MFSD6: variants seen among roughly 807,000 people sequenced by gnomAD.
MFSD6 encodes major facilitator superfamily domain containing 6.
A neutral mutation model predicts 56.3 loss-of-function variants in MFSD6; 26 were observed. The observed-to-expected ratio is 0.46, with a 90% CI of 0.34 to 0.64. The LOEUF (loss-of-function observed/expected upper bound fraction) is 0.64, where lower values mean the gene tolerates loss of function less well. MFSD6 is among the 30% of genes least tolerant of loss of function. MFSD6 has a pLI of 0.01. For missense variants in MFSD6, 750 were observed against 986.2 expected (o/e 0.76, Z 3.21); for synonymous variants, 331 against 366.9 (o/e 0.90, Z 1.12).
chr2:190,437,469 C>G lies in MFSD6; in HGVS notation c.1440C>G (p.Thr480=). 1 of 1,614,198 alleles carries G rather than the reference C, an allele frequency of 6.2e-7. No homozygotes were observed. Among genetic ancestry groups the G allele is most frequent in the Non-Finnish European group, 8.5e-7 (1 of 1,180,040 alleles). The change falls in exon 3 of 8, where the codon ACC becomes ACG. Residue 480 remains threonine, a synonymous_variant. Coordinates refer to ENST00000392328, the MANE Select transcript of MFSD6 (RefSeq NM_017694.4). The surrounding 1 kb of genome is among the most constrained non-coding windows in gnomAD (Gnocchi z 5.9). ...TGGAAGACCTCAATGGAACTACAAC[C>G]CTCTTTGGGGTCTGTTCAGTCCTGA... ...WHLEDLNGTT[T]LFGVCSVLSH... is the part of the protein sequence containing the mutation.
chr2:190,446,102 T>G (rs1286098976), intron 3 of MFSD6, among the ~76,000 whole-genome samples: 1 of 152,156 alleles, frequency 6.6e-6, no homozygotes, highest in African/African-American at 2.4e-5. Flanking sequence ...AATAGCACTC[T>G]CCAAAAGTGA....
chr2:190,411,461 A>T, intron 1 of MFSD6: 1 of 985,314 alleles, frequency 1.0e-6, no homozygotes, highest in Non-Finnish European at 1.2e-6. Context: ...CCCAGCCGAC[A>T]GTGGCTATCT....
At chr2:190,427,134 C>A (rs1685807210) in intron 2 of MFSD6, among the ~76,000 whole-genome samples, 1 of 152,230 alleles carries the variant, frequency 6.6e-6, no homozygotes, top group Non-Finnish European at 1.5e-5. Flanking sequence ...GACATCACCC[C>A]AGTGGGGAAA....
At position 190,425,035 on chromosome 2, in the gene MFSD6, G is replaced by A. The variant is rs553500911; in HGVS notation, c.-54+9622G>A. Among the ~76,000 whole-genome samples, 2 of 152,210 alleles carry A rather than the reference G, an allele frequency of 1.3e-5. No individual in the cohort carries two copies. Among genetic ancestry groups the A allele is most frequent in the South Asian group, 4.1e-4 (2 of 4,822 alleles). On this transcript the variant is annotated intron_variant, in intron 2 of 7. Transcript: ENST00000392328. This position sits in a 1 kb window ranked among gnomAD's most constrained non-coding sequence, Gnocchi z 4.3. ...TTTAGCTCTTTGATTTCTTTCATCAGCATTTTATGGTTTTCAGCATAAGGC... is the reference window on the plus strand; with the variant it reads ...TTTAGCTCTTTGATTTCTTTCATCAACATTTTATGGTTTTCAGCATAAGGC...
At chr2:190,474,146 A>G (rs1050174242) in intron 4 of MFSD6, among the ~76,000 whole-genome samples, 2 of 150,672 alleles carry the variant, frequency 1.3e-5, no homozygotes, top group Non-Finnish European at 3.0e-5. Context: ...TAACATCACA[A>G]TTAAAAGAAC....
Position 190,458,316 on chromosome 2 carries a change from G to C in MFSD6, c.1533-11442G>C, listed in dbSNP as rs564791090. On this transcript the variant is annotated intron_variant, in intron 3 of 7. Coordinates refer to ENST00000392328, the MANE Select transcript of MFSD6 (RefSeq NM_017694.4). The surrounding 1 kb of genome is among the most constrained non-coding windows in gnomAD (Gnocchi z 5.3). ...AGGTCATTAGGGTCAGCCCTCATCTGTTATGAGCAGTGTCCTCGTGAGAAG... is the reference window on the plus strand; with the variant it reads ...AGGTCATTAGGGTCAGCCCTCATCTCTTATGAGCAGTGTCCTCGTGAGAAG... Among the ~76,000 whole-genome samples, 26 of 152,242 alleles carry C rather than the reference G, an allele frequency of 1.7e-4. No homozygotes were observed. In the South Asian group the frequency reaches 1.9e-3, roughly 11 times the overall value.
rs968706405 is a variant in MFSD6 at position 190,447,445 on chromosome 2, C to A, written c.1532+9884C>A. Reference sequence around the variant, plus strand: ...ATGGATTATTCCTGTACTGCTAAGTCCTCTGCTAATATATGGAGGACACAT... The same window carrying A: ...ATGGATTATTCCTGTACTGCTAAGTACTCTGCTAATATATGGAGGACACAT... On this transcript the variant is annotated intron_variant, in intron 3 of 7. Coordinates refer to ENST00000392328, the MANE Select transcript of MFSD6 (RefSeq NM_017694.4). The surrounding 1 kb of genome is among the most constrained non-coding windows in gnomAD (Gnocchi z 4.5). Among the ~76,000 whole-genome samples, 1 of 152,124 alleles carries A rather than the reference C, an allele frequency of 6.6e-6. No homozygotes were observed. The highest frequency in any genetic ancestry group is 1.9e-4 in the East Asian group (1 of 5,194).
chr2:190,477,449 T>A, intron 4 of MFSD6: 20 of 816,380 alleles, frequency 2.4e-5, no homozygotes, highest in Non-Finnish European at 3.0e-5. Context: ...ATCCTTTTAG[T>A]TTAAAATGAG....
chr2:190,434,612 T>C lies in MFSD6; in HGVS notation c.-53-1365T>C, dbSNP rs985810788. Among the ~76,000 whole-genome samples the C allele has an allele frequency of 2.0e-5, 3 of 152,072 alleles. No homozygotes were observed. Among genetic ancestry groups the C allele is most frequent in the African/African-American group, 7.2e-5 (3 of 41,404 alleles). ...CCAGGCCCAGCTAATTCTTGTACTT[T>C]TAGTAGAAACGGGGTTTCACCATGT... On this transcript the variant is annotated intron_variant, in intron 2 of 7. Coordinates refer to ENST00000392328, the MANE Select transcript of MFSD6 (RefSeq NM_017694.4). This position sits in a 1 kb window ranked among gnomAD's most constrained non-coding sequence, Gnocchi z 4.3.
rs1328364917 is a variant in MFSD6, at chr2:190,423,537, C to T, written c.-54+8124C>T. On this transcript the variant is annotated intron_variant, in intron 2 of 7. Transcript: ENST00000392328. The surrounding 1 kb of genome is among the most constrained non-coding windows in gnomAD (Gnocchi z 4.3). Reference sequence around the variant, plus strand: ...AATTTGTTTAATTAGTCCTTCCATCCTTTGAAGGGCTTTTGGGTTGTCTCC... The same window carrying T: ...AATTTGTTTAATTAGTCCTTCCATCTTTTGAAGGGCTTTTGGGTTGTCTCC... Among the ~76,000 whole-genome samples the T allele has an allele frequency of 6.6e-6, 1 of 152,172 alleles. No individual in the cohort carries two copies. The highest frequency in any genetic ancestry group is 1.5e-5 in the Non-Finnish European group (1 of 68,032).
chr2:190,475,956 T>C (rs1688281699), intron 4 of MFSD6, among the ~76,000 whole-genome samples: 1 of 152,152 alleles, frequency 6.6e-6, no homozygotes, highest in Non-Finnish European at 1.5e-5. Context: ...AAACAAGAAA[T>C]AGGGAAAGGA....
chr2:190,476,058 A>C (rs1207635817), intron 4 of MFSD6, among the ~76,000 whole-genome samples: 11 of 152,208 alleles, frequency 7.2e-5, no homozygotes, highest in Non-Finnish European at 1.6e-4. Context: ...TACAGAAATT[A>C]ATTCAAGATG....
Position 190,417,956 on chromosome 2 carries a change from C to T in MFSD6, c.-54+2543C>T, listed in dbSNP as rs1479937902. ...ATTATTATTCTGACTTTTCATTTAA[C>T]CCTTTAGTGGTGTGTGTGTGTGTGT... On this transcript the variant is annotated intron_variant, in intron 2 of 7. Coordinates refer to ENST00000392328, the MANE Select transcript of MFSD6 (RefSeq NM_017694.4). This position sits in a 1 kb window ranked among gnomAD's most constrained non-coding sequence, Gnocchi z 5.7. Among the ~76,000 whole-genome samples the T allele has an allele frequency of 7.6e-6, 1 of 130,908 alleles. No homozygotes were observed. The highest frequency in any genetic ancestry group is 1.6e-5 in the Non-Finnish European group (1 of 62,802). 85.9% of individuals were successfully genotyped at this position (130,908 alleles called of 152,430 possible). A position where few individuals can be genotyped will look rare whatever the true frequency, so the allele number is the denominator to read the frequency against.
Position 190,497,840 on chromosome 2 carries a change from G to A in MFSD6, c.2172+121G>A. 1 of 1,198,302 alleles carries A rather than the reference G, an allele frequency of 8.3e-7. No individual in the cohort carries two copies. Among genetic ancestry groups the A allele is most frequent in the Non-Finnish European group, 1.2e-6 (1 of 860,550 alleles). The allele number at this position is 1,198,302 out of a possible 1,614,324, so 74.2% of individuals were successfully genotyped here. On this transcript the variant is annotated intron_variant, in intron 7 of 7. Transcript: ENST00000392328. This position sits in a 1 kb window ranked among gnomAD's most constrained non-coding sequence, Gnocchi z 5.2. ...TATTGAAAGTCTGGTGGGGGAAATA[G>A]ACATGCAAACAATTTCAGTACTCTG...
chr2:190,414,615 T>G (rs974258282), intron 1 of MFSD6, among the ~76,000 whole-genome samples: 1 of 152,230 alleles, frequency 6.6e-6, no homozygotes, highest in Non-Finnish European at 1.5e-5. Flanking sequence ...AGGCATTAGA[T>G]GAATGATCAG....
chr2:190,461,645 TGGCAGAA>T lies in MFSD6; in HGVS notation c.1533-8103_1533-8097del, dbSNP rs1687335190. On this transcript the variant is annotated intron_variant, in intron 3 of 7. Coordinates refer to ENST00000392328, the MANE Select transcript of MFSD6 (RefSeq NM_017694.4). The surrounding 1 kb of genome is among the most constrained non-coding windows in gnomAD (Gnocchi z 5.5). ...GCACCTTGAATGCTGTGTTCTCTCA[TGGCAGAA>T]GGCAGAAGGGCAAAAGGGGGAAACA... Among the ~76,000 whole-genome samples the T allele has an allele frequency of 6.6e-6, 1 of 152,172 alleles. No individual in the cohort carries two copies. Among genetic ancestry groups the T allele is most frequent in the Admixed American group, 6.5e-5 (1 of 15,278 alleles).
chr2:190,494,067 G>T lies in MFSD6; in HGVS notation c.1892-3372G>T, dbSNP rs566575118. Among the ~76,000 whole-genome samples the T allele has an allele frequency of 2.6e-5, 4 of 152,130 alleles. No individual in the cohort carries two copies. The South Asian group carries it at 8.3e-4, about 32-fold the overall frequency. On this transcript the variant is annotated intron_variant, in intron 6 of 7. Coordinates refer to ENST00000392328, the MANE Select transcript of MFSD6 (RefSeq NM_017694.4). This position sits in a 1 kb window ranked among gnomAD's most constrained non-coding sequence, Gnocchi z 5.7. ...ATACAAAAAATAAATGAAACAAAAAGCTGGTTGTTTGAAAAGATAAATAAA... is the reference window on the plus strand; with the variant it reads ...ATACAAAAAATAAATGAAACAAAAATCTGGTTGTTTGAAAAGATAAATAAA...
At chr2:190,449,465 C>A (rs1356778372) in intron 3 of MFSD6, among the ~76,000 whole-genome samples, 1 of 151,668 alleles carries the variant, frequency 6.6e-6, no homozygotes, top group African/African-American at 2.4e-5. Flanking sequence ...CAGAGCAAGA[C>A]TTCGTCTCAA....
chr2:190,499,813 T>C lies in MFSD6; in HGVS notation c.2173-202T>C. 1 of 1,532,054 alleles carries C rather than the reference T, an allele frequency of 6.5e-7. No individual in the cohort carries two copies. The highest frequency in any genetic ancestry group is 1.2e-5 in the South Asian group (1 of 83,008). 94.9% of individuals were successfully genotyped at this position (1,532,054 alleles called of 1,614,324 possible). A position where few individuals can be genotyped will look rare whatever the true frequency, so the allele number is the denominator to read the frequency against. On this transcript the variant is annotated intron_variant, in intron 7 of 7. Transcript: ENST00000392328. This position sits in a 1 kb window ranked among gnomAD's most constrained non-coding sequence, Gnocchi z 6.0. The stretch of plus-strand genomic sequence containing the variant: ...CACGTCTGCTTATAGTGTTTGTGTT[T>C]TTCATGCGGCTCTGGCAGTTGCACA...
Sources: allele counts gnomAD v4.1 joint callset (sites outside exome capture counted in the v4.1 genomes callset), GRCh38; gene constraint gnomAD v4.1.1; non-coding constraint Gnocchi (gnomAD v3.1); transcripts MANE v1.5; gene names NCBI Gene and HGNC (gene_info 2026-07-23, HGNC 2026-07-21).